The following GRID2 variants were observed in gnomAD, a reference collection of about 807,000 sequenced individuals.
GRID2 encodes glutamate receptor ionotropic, delta-2.
Under a neutral mutation model 114.8 loss-of-function variants are expected in GRID2, and 33 were observed. That is an observed-to-expected ratio of 0.29 (90% CI 0.22 to 0.38). GRID2 has a LOEUF of 0.38. Ranked by LOEUF, GRID2 falls within the 10% of genes least tolerant of loss-of-function variation. The pLI is 1.00. For synonymous variants in GRID2, 505 were observed against 449.9 expected, an observed-to-expected ratio of 1.12 and a Z score of -1.55; for missense variants, 1,184 against 1,257.7, an observed-to-expected ratio of 0.94 and a Z score of 0.89.
At chr4:93,729,943 G>A (rs1428614456) in intron 14 of GRID2, among the ~76,000 whole-genome samples, 1 of 152,140 alleles carries the variant, frequency 6.6e-6, no homozygotes, top group Non-Finnish European at 1.5e-5. Flanking sequence ...GAGAGACTGT[G>A]CTTTCTTTTC....
chr4:93,128,934 T>C (rs1560909578), intron 4 of GRID2, among the ~76,000 whole-genome samples: 1 of 152,238 alleles, frequency 6.6e-6, no homozygotes, highest in African/African-American at 2.4e-5. Flanking sequence ...CTCATGGTAT[T>C]ACTAAATTAT....
intron 1 of GRID2, among the ~76,000 whole-genome samples, chr4:92,463,040 A>C (rs1367619814): frequency 6.6e-6 from 1 of 151,984 alleles, no homozygotes; most frequent in African/African-American, 2.4e-5. Context: ...ATATATAAAA[A>C]CAGCTTGAAG....
At chr4:92,315,233 CTA>C (rs1401055040) in intron 1 of GRID2, among the ~76,000 whole-genome samples, 2 of 152,098 alleles carry the variant, frequency 1.3e-5, no homozygotes, top group African/African-American at 4.8e-5. Context: ...GTTATGTCCT[CTA>C]TAAAAACATT....
intron 11 of GRID2, among the ~76,000 whole-genome samples, chr4:93,477,130 G>T (rs555879693): frequency 1.1e-3 from 166 of 152,138 alleles, no homozygotes; most frequent in Non-Finnish European, 1.9e-3. Context: ...GGGCAGAGGG[G>T]CAAGAGAATG....
chr4:93,807,855 A>T (rs773552115), exon 2 of GRID2: 2 of 152,224 alleles, frequency 1.3e-5, no homozygotes, highest in South Asian at 2.1e-4. Flanking sequence ...AATGAGTCAG[A>T]ATCCTTTCCC....
intron 2 of GRID2, among the ~76,000 whole-genome samples, chr4:92,872,973 A>G (rs1306750664): frequency 6.6e-6 from 1 of 152,240 alleles, no homozygotes; most frequent in Non-Finnish European, 1.5e-5. Context: ...GGAGTTAACT[A>G]GAAGTCAACA....
intron 4 of GRID2, among the ~76,000 whole-genome samples, chr4:93,191,452 C>T (rs1033376087): frequency 5.3e-5 from 8 of 151,898 alleles, no homozygotes; most frequent in African/African-American, 1.9e-4. Flanking sequence ...CGTAATTGAA[C>T]CCACAAAATG....
intron 2 of GRID2, among the ~76,000 whole-genome samples, chr4:92,931,802 A>G (rs1750260719): frequency 6.6e-6 from 1 of 151,244 alleles, no homozygotes; most frequent in South Asian, 2.1e-4. Flanking sequence ...CATAATGAGT[A>G]GAGATATTTA....
At chr4:93,291,162 C>T (rs1359353475) in intron 8 of GRID2, among the ~76,000 whole-genome samples, 2 of 151,714 alleles carry the variant, frequency 1.3e-5, no homozygotes, top group African/African-American at 2.4e-5. Context: ...CGTAAGCCAC[C>T]GTGCCCGGCC....
At chr4:92,402,102 T>C (rs1240813747) in intron 1 of GRID2, among the ~76,000 whole-genome samples, 2 of 152,206 alleles carry the variant, frequency 1.3e-5, no homozygotes, top group Admixed American at 1.3e-4. Flanking sequence ...AAGCTACTTC[T>C]TATCTATTCA....
At chr4:93,179,797 A>G (rs552235755) in intron 4 of GRID2, among the ~76,000 whole-genome samples, 1 of 152,144 alleles carries the variant, frequency 6.6e-6, no homozygotes, top group African/African-American at 2.4e-5. Flanking sequence ...CAACACTACT[A>G]ATGGACACAG....
chr4:93,455,536 A>G (rs1375842769), intron 10 of GRID2, 126 bp from the exon 11 acceptor site: 2 of 632,000 alleles, frequency 3.2e-6, no homozygotes, highest in Non-Finnish European at 5.6e-6. Context: ...GCAGTGTTTC[A>G]GTTTATATAA....
At chr4:93,007,025 G>A (rs1021302004) in intron 2 of GRID2, among the ~76,000 whole-genome samples, 12 of 151,788 alleles carry the variant, frequency 7.9e-5, no homozygotes, top group African/African-American at 2.9e-4. Context: ...AAATAGCAAT[G>A]GAGAAAGCAT....
At chr4:93,105,978 A>T (rs1212315676) in intron 3 of GRID2, among the ~76,000 whole-genome samples, 1 of 152,130 alleles carries the variant, frequency 6.6e-6, no homozygotes, top group Non-Finnish European at 1.5e-5. Flanking sequence ...GGAGACCAAT[A>T]TTCTGCCTAC....
intron 12 of GRID2, among the ~76,000 whole-genome samples, chr4:93,509,570 T>G (rs1448261689): frequency 1.3e-5 from 2 of 152,218 alleles, no homozygotes; most frequent in Non-Finnish European, 2.9e-5. Flanking sequence ...ATAAAAGTAT[T>G]AGTTCCTCTG....
intron 8 of GRID2, among the ~76,000 whole-genome samples, chr4:93,264,332 T>A (rs752694061): frequency 6.6e-6 from 1 of 152,186 alleles, no homozygotes. Flanking sequence ...TTCTTTATTT[T>A]ACTTAAATTA....
In GRID2 at chr4:92,572,660, C is replaced by T. The variant is rs184028535; in HGVS notation, c.89-17471C>T. On this transcript the variant is annotated intron_variant, in intron 1 of 15. Transcript: ENST00000282020. The stretch of plus-strand genomic sequence containing the variant: ...TCCTGGAGATTTGTGTATGTTGAAC[C>T]ATCCTTGCATCCTACTTGATCATGG... Among the ~76,000 whole-genome samples, 257 of 152,216 alleles carry T rather than the reference C, an allele frequency of 1.7e-3. 1 individual carries two copies. Among genetic ancestry groups the T allele is most frequent in the African/African-American group, 6.1e-3 (252 of 41,550 alleles).
chr4:92,379,475 C>G (rs62311008), intron 1 of GRID2, among the ~76,000 whole-genome samples: 2 of 151,912 alleles, frequency 1.3e-5, no homozygotes, highest in Non-Finnish European at 2.9e-5. Flanking sequence ...CTAAATATTA[C>G]TATTTATTAC....
rs186256181 is a variant in GRID2 at position 93,237,176 on chromosome 4, T to C, written c.1126-1195T>C. On this transcript the variant is annotated intron_variant, in intron 7 of 15. Coordinates refer to ENST00000282020, the MANE Select transcript of GRID2 (RefSeq NM_001510.4). Reference sequence around the variant, plus strand: ...TTGACTGCTAAATCATGCATGAAAATCCACTAGGATTTTTATTAATAAAAC... The same window carrying C: ...TTGACTGCTAAATCATGCATGAAAACCCACTAGGATTTTTATTAATAAAAC... 4.6e-5 allele frequency among the ~76,000 whole-genome samples: 7 copies of C among 151,972 alleles called. No individual in the cohort carries two copies. The East Asian group carries it at 1.4e-3, about 29-fold the overall frequency.
Sources: gnomAD v4.1 joint callset for allele counts (sites outside exome capture counted in the v4.1 genomes callset) on GRCh38, gnomAD v4.1.1 for gene constraint, MANE v1.5 for transcripts, NCBI Gene and HGNC (gene_info 2026-07-23, HGNC 2026-07-21) for gene names.